BANK1: variants seen among roughly 807,000 people sequenced by gnomAD.
The protein encoded by BANK1 is B cell scaffold protein with ankyrin repeats 1, also known as B-cell scaffold protein with ankyrin repeats.
A neutral mutation model predicts 94.5 loss-of-function variants in BANK1; 95 were observed. The observed-to-expected ratio is 1.00, with a 90% CI of 0.85 to 1.19. BANK1 has a LOEUF of 1.19. Ranked by LOEUF, BANK1 falls within the 50% of genes most tolerant of loss-of-function variation. The pLI is 0.00. For synonymous variants in BANK1, 334 were observed against 308.4 expected, an observed-to-expected ratio of 1.08 and a Z score of -0.87; for missense variants, 987 against 932.2, an observed-to-expected ratio of 1.06 and a Z score of -0.77.
intron 5 of BANK1, among the ~76,000 whole-genome samples, chr4:101,893,277 T>G (rs1442120750): frequency 6.6e-6 from 1 of 152,026 alleles, no homozygotes; most frequent in Non-Finnish European, 1.5e-5. Context: ...CTTGCTGTTT[T>G]GAATTCTCAT....
chr4:101,851,863 A>G (rs1254308297), intron 2 of BANK1, among the ~76,000 whole-genome samples: 1 of 152,200 alleles, frequency 6.6e-6, no homozygotes, highest in Non-Finnish European at 1.5e-5. Flanking sequence ...CCTTTTGCTC[A>G]GTAGAAGTAG....
At chr4:102,043,663 A>G (rs1313178974) in intron 10 of BANK1, among the ~76,000 whole-genome samples, 176 bp from the exon 11 acceptor site, 2 of 152,084 alleles carry the variant, frequency 1.3e-5, no homozygotes, top group Non-Finnish European at 2.9e-5. Flanking sequence ...ATGACTGATA[A>G]GCTGCACAAA....
chr4:101,918,236 T>C, intron 7 of BANK1, 47 bp downstream of exon 7: 1 of 1,308,228 alleles, frequency 7.6e-7, no homozygotes. Flanking sequence ...TGTTTGATAT[T>C]GTAGAAGAGA....
intron 11 of BANK1, among the ~76,000 whole-genome samples, chr4:102,057,260 TTCTC>T (rs900964613): frequency 1.7e-4 from 24 of 145,016 alleles, no homozygotes; most frequent in Admixed American, 6.1e-4. Context: ...CTCTTTCTCT[TTCTC>T]TCTCTCTCTC....
At chr4:102,021,273 T>C (rs1726888292) in intron 7 of BANK1, among the ~76,000 whole-genome samples, 1 of 152,132 alleles carries the variant, frequency 6.6e-6, no homozygotes, top group Non-Finnish European at 1.5e-5. Context: ...CTTTGCATCT[T>C]AAAGCTATTT....
At chr4:101,998,583 T>C (rs1725958072) in intron 7 of BANK1, among the ~76,000 whole-genome samples, 1 of 152,226 alleles carries the variant, frequency 6.6e-6, no homozygotes, top group Non-Finnish European at 1.5e-5. Context: ...ACTTGTTTTA[T>C]GAATCTGGGT....
chr4:101,940,237 C>A (rs1723697009), intron 7 of BANK1, among the ~76,000 whole-genome samples: 1 of 136,708 alleles, frequency 7.3e-6, no homozygotes, highest in Non-Finnish European at 1.7e-5. Context: ...TTTCCCTTAA[C>A]TTTTCTAAGC....
chr4:101,885,554 A>G (rs549744594), intron 5 of BANK1, among the ~76,000 whole-genome samples: 4 of 152,288 alleles, frequency 2.6e-5, no homozygotes, highest in Admixed American at 2.0e-4. Flanking sequence ...TCTTTATTCT[A>G]GTATCTCTTC....
rs550560767 is a variant in BANK1 at position 102,044,097 on chromosome 4, T to A, written c.1969+190T>A. Among the ~76,000 whole-genome samples, 21 of 152,228 alleles carry A rather than the reference T, an allele frequency of 1.4e-4. 1 individual carries two copies. In the South Asian group the frequency reaches 4.3e-3, roughly 32 times the overall value. On this transcript the variant is annotated intron_variant, in intron 11 of 16. Transcript: ENST00000322953. ...GCACATTGTGCAAGTTAGTTACATA[T>A]GTATACATGTGCCATACTGGTGTGC...
intron 7 of BANK1, among the ~76,000 whole-genome samples, chr4:101,974,240 T>C (rs2631242): frequency 0.81 from 123,777 of 152,034 alleles, 50,896 homozygotes; most frequent in Non-Finnish European, 0.88. Context: ...TATTTGTTTA[T>C]TCTTCTATTC....
rs1560682317 is a variant in BANK1 at position 102,007,146 on chromosome 4, T to TATATATATAAATATATATATATA, written c.1207-14368_1207-14367insATATATATAAATATATATATATA. The stretch of plus-strand genomic sequence containing the variant: ...TTTATATATATATAAAAAATATATT[T>TATATATATAAATATATATATATA]TATATATATATATATATATATATAA... On this transcript the variant is annotated intron_variant, in intron 7 of 16. Transcript: ENST00000322953. Among the ~76,000 whole-genome samples, 34 of 38,062 alleles carry TATATATATAAATATATATATATA rather than the reference T, an allele frequency of 8.9e-4. 2 individuals carry two copies. Among genetic ancestry groups the TATATATATAAATATATATATATA allele is most frequent in the Non-Finnish European group, 2.2e-3 (33 of 14,770 alleles). 25.0% of individuals were successfully genotyped at this position (38,062 alleles called of 152,430 possible). A position where few individuals can be genotyped will look rare whatever the true frequency, so the allele number is the denominator to read the frequency against.
At chr4:101,791,229 T>A (rs1408270718) in intron 1 of BANK1, among the ~76,000 whole-genome samples, 1 of 140,134 alleles carries the variant, frequency 7.1e-6, no homozygotes, top group African/African-American at 2.5e-5. Context: ...GCTGGAACTT[T>A]CCCCAGCACC....
intron 9 of BANK1, among the ~76,000 whole-genome samples, chr4:102,028,766 C>G (rs1443286559): frequency 6.6e-6 from 1 of 152,038 alleles, no homozygotes; most frequent in Non-Finnish European, 1.5e-5. Flanking sequence ...CAAGATATTA[C>G]TGTATGGAAA....
At chr4:101,973,281 C>A (rs956358499) in intron 7 of BANK1, among the ~76,000 whole-genome samples, 7 of 151,542 alleles carry the variant, frequency 4.6e-5, no homozygotes, top group African/African-American at 1.7e-4. Flanking sequence ...TATATATTAT[C>A]TATTTATAAT....
chr4:101,922,504 T>G (rs1248482806), intron 7 of BANK1, among the ~76,000 whole-genome samples: 1 of 151,854 alleles, frequency 6.6e-6, no homozygotes, highest in East Asian at 2.0e-4. Context: ...TGTATTTTTC[T>G]CGTTGATGGT....
In BANK1 at chr4:101,855,144, C is replaced by T. The variant is rs141601631; in HGVS notation, c.579C>T (p.Asn193=). The T allele has an allele frequency of 6.8e-5, 110 of 1,613,674 alleles. No homozygotes were observed. The African/African-American group carries it at 1.3e-3, about 20-fold the overall frequency. The change falls in exon 3 of 17, where the codon AAC becomes AAT. Residue 193 remains asparagine, a synonymous_variant. Coordinates refer to ENST00000322953, the MANE Select transcript of BANK1 (RefSeq NM_017935.5). ...EIEELSEASR[N]TIPLAVVLPT... ...AAGAACTATCAGAAGCTTCAAGAAACACCATACCACTAGCAGTGGTGCTTC... is the reference window on the plus strand; with the variant it reads ...AAGAACTATCAGAAGCTTCAAGAAATACCATACCACTAGCAGTGGTGCTTC...
intron 7 of BANK1, among the ~76,000 whole-genome samples, chr4:101,955,277 G>A (rs918385039): frequency 1.1e-4 from 17 of 152,144 alleles, no homozygotes; most frequent in Non-Finnish European, 1.5e-5. Context: ...ATTTACTGGT[G>A]TACTACACAT....
At chr4:101,840,118 G>A (rs1226159930) in intron 2 of BANK1, among the ~76,000 whole-genome samples, 5 of 147,474 alleles carry the variant, frequency 3.4e-5, no homozygotes, top group East Asian at 3.9e-4. Context: ...ACAGGCGCCC[G>A]CCACTACGCC....
In BANK1 at chr4:102,025,280, G is replaced by A; in HGVS notation, c.1365G>A (p.Met455Ile). ...QSADGAEANE[M>I]EGEGKQNGSG... ...CAGATGGAGCTGAGGCAAATGAAAT[G>A]GAAGGGGAAGGAAAACAGAATGGAT... The change falls in exon 9 of 17, where the codon ATG (methionine) becomes ATA (isoleucine). Residue 455 changes from methionine (M) to isoleucine (I), a missense_variant. Physicochemically the swap from Met to Ile is conservative, Grantham distance 10 (BLOSUM62 1). Coordinates refer to ENST00000322953, the MANE Select transcript of BANK1 (RefSeq NM_017935.5). 1 of 1,614,098 alleles carries A rather than the reference G, an allele frequency of 6.2e-7. No individual in the cohort carries two copies. The highest frequency in any genetic ancestry group is 8.5e-7 in the Non-Finnish European group (1 of 1,180,000).
Sources: allele counts gnomAD v4.1 joint callset (sites outside exome capture counted in the v4.1 genomes callset), GRCh38; gene constraint gnomAD v4.1.1; transcripts MANE v1.5; gene names NCBI Gene and HGNC (gene_info 2026-07-23, HGNC 2026-07-21).